CACNB4: variants seen among roughly 807,000 people sequenced by gnomAD.
CACNB4 encodes the protein voltage-dependent L-type calcium channel subunit beta-4.
In CACNB4, 32 loss-of-function variants were observed where a neutral mutation model predicts 71.2. The observed-to-expected ratio is 0.45, with a 90% CI of 0.34 to 0.60. The LOEUF (loss-of-function observed/expected upper bound fraction) is 0.60. CACNB4 is among the 20% of genes least tolerant of loss of function. The pLI, the probability that CACNB4 is intolerant of heterozygous loss-of-function variation, is 0.01. For missense variants in CACNB4, 464 were observed against 647.9 expected, an observed-to-expected ratio of 0.72 and a Z score of 3.08; for synonymous variants, 231 against 236.9, an observed-to-expected ratio of 0.97 and a Z score of 0.23.
chr2:152,088,144 CACACACACACACACACACACACACAT>C (rs945057052), intron 2 of CACNB4, among the ~76,000 whole-genome samples: 6 of 149,198 alleles, frequency 4.0e-5, no homozygotes, highest in African/African-American at 1.5e-4. Flanking sequence ...CCACTTAACA[CACACACACACACACACACACACACAT>C]ACACACACAC....
intron 2 of CACNB4, among the ~76,000 whole-genome samples, chr2:152,029,133 T>A (rs1451125603): frequency 6.6e-6 from 1 of 152,138 alleles, no homozygotes; most frequent in African/African-American, 2.4e-5. Flanking sequence ...TAATTAGATT[T>A]AGATGAGGTC....
intron 2 of CACNB4, among the ~76,000 whole-genome samples, chr2:151,914,701 CTTGT>C (rs202213649): frequency 0.018 from 2,793 of 152,212 alleles, 34 homozygotes; most frequent in Middle Eastern, 0.031. Flanking sequence ...TGGCTTTCTG[CTTGT>C]TTGTTTTTCT....
intron 2 of CACNB4, among the ~76,000 whole-genome samples, chr2:152,088,703 G>T (rs1687808287): frequency 6.6e-6 from 1 of 152,308 alleles, no homozygotes; most frequent in Non-Finnish European, 1.5e-5. Context: ...AAGTTTTACA[G>T]CCCTTACCTA....
At chr2:152,052,063 G>A (rs945845799) in intron 2 of CACNB4, among the ~76,000 whole-genome samples, 2 of 152,156 alleles carry the variant, frequency 1.3e-5, no homozygotes, top group Non-Finnish European at 2.9e-5. Context: ...CTGCTCCTCC[G>A]CTTATGGCGG....
At chr2:152,058,699 T>TG (rs1243357856) in intron 2 of CACNB4, among the ~76,000 whole-genome samples, 1 of 152,240 alleles carries the variant, frequency 6.6e-6, no homozygotes, top group Non-Finnish European at 1.5e-5. Context: ...ACCCATTTTC[T>TG]GGGGAGAAAT....
intron 2 of CACNB4, among the ~76,000 whole-genome samples, chr2:152,077,242 G>A (rs770436832): frequency 1.1e-4 from 17 of 152,150 alleles, no homozygotes; most frequent in Middle Eastern, 3.4e-3. Context: ...CCAAAATGGC[G>A]AAACCTTGTC....
chr2:151,924,342 T>A (rs1241754299), intron 2 of CACNB4, among the ~76,000 whole-genome samples: 1 of 151,764 alleles, frequency 6.6e-6, no homozygotes, highest in African/African-American at 2.4e-5. Context: ...CCTCCCAAAG[T>A]GTATTCTGAA....
intron 9 of CACNB4, among the ~76,000 whole-genome samples, chr2:151,864,616 G>A (rs1205932899): frequency 6.6e-6 from 1 of 152,120 alleles, no homozygotes; most frequent in Non-Finnish European, 1.5e-5. Context: ...CAGGAGAATG[G>A]AAAGGCACAG....
chr2:151,971,805 C>T (rs978923923), intron 2 of CACNB4: 22 of 567,894 alleles, frequency 3.9e-5, no homozygotes, highest in Non-Finnish European at 6.0e-5. Context: ...TCAATCCCGC[C>T]CACCTGAAAG....
intron 2 of CACNB4, among the ~76,000 whole-genome samples, chr2:151,979,473 A>G (rs1484954287): frequency 1.3e-5 from 2 of 151,996 alleles, no homozygotes; most frequent in Non-Finnish European, 2.9e-5. Flanking sequence ...AAAAAAAAAA[A>G]GAGCCAATCT....
rs770340434 is a variant in CACNB4, at chr2:151,860,649, C to A, written c.868+62G>T. The A allele has an allele frequency of 5.4e-5, 58 of 1,075,786 alleles. No individual in the cohort carries two copies. In the African/African-American group the frequency reaches 7.1e-4, roughly 13 times the overall value. 66.6% of individuals were successfully genotyped at this position (1,075,786 alleles called of 1,614,324 possible). Reference sequence around the variant, plus strand: ...AAATTGAAAAAGACATTCACAAATGCACCATGTGTCAGCCCGGTCTGTAAG... The same window carrying A: ...AAATTGAAAAAGACATTCACAAATGAACCATGTGTCAGCCCGGTCTGTAAG... On this transcript the variant is annotated intron_variant, in intron 10 of 13. Coordinates refer to ENST00000539935, the MANE Select transcript of CACNB4 (RefSeq NM_000726.5).
At chr2:152,072,602 T>C (rs1230101858) in intron 2 of CACNB4, among the ~76,000 whole-genome samples, 1 of 152,106 alleles carries the variant, frequency 6.6e-6, no homozygotes, top group Non-Finnish European at 1.5e-5. Context: ...ATGAAAACCT[T>C]ATGATGAGGC....
chr2:152,058,281 G>A (rs1685828585), intron 2 of CACNB4, among the ~76,000 whole-genome samples: 1 of 152,194 alleles, frequency 6.6e-6, no homozygotes, highest in South Asian at 2.1e-4. Flanking sequence ...AAAGAGGGGG[G>A]TACTGCTATA....
At chr2:151,940,163 T>C (rs1405850723) in intron 2 of CACNB4, among the ~76,000 whole-genome samples, 1 of 152,224 alleles carries the variant, frequency 6.6e-6, no homozygotes, top group Non-Finnish European at 1.5e-5. Flanking sequence ...TCTTAAGAGG[T>C]ATGGCTCTTT....
chr2:151,981,502 G>A (rs887158285), intron 2 of CACNB4, among the ~76,000 whole-genome samples: 10 of 152,144 alleles, frequency 6.6e-5, no homozygotes, highest in South Asian at 2.1e-4. Flanking sequence ...AACTCCTGTC[G>A]GTGGTAGGGG....
chr2:151,870,624 A>G lies in CACNB4; in HGVS notation c.619-13T>C. On this transcript the variant is annotated splice_polypyrimidine_tract_variant and intron_variant, in intron 7 of 13. Transcript: ENST00000539935. ...GAATGTGCTCCGTCTGAAAAAGATG[A>G]TTCGACACGCGTGACAAGGTGAGGT... The G allele has an allele frequency of 6.2e-7, 1 of 1,607,916 alleles. No individual in the cohort carries two copies. The highest frequency in any genetic ancestry group is 8.5e-7 in the Non-Finnish European group (1 of 1,175,218).
chr2:152,034,395 G>C (rs556169349), intron 2 of CACNB4, among the ~76,000 whole-genome samples: 1 of 152,264 alleles, frequency 6.6e-6, no homozygotes, highest in Admixed American at 6.5e-5. Flanking sequence ...ACAGGGCTCT[G>C]GTGAAGGGTG....
At chr2:151,896,676 G>C (rs1036519358) in intron 2 of CACNB4, among the ~76,000 whole-genome samples, 1 of 152,168 alleles carries the variant, frequency 6.6e-6, no homozygotes, top group South Asian at 2.1e-4. Flanking sequence ...TGACAGCAAG[G>C]CTTGCTTTTT....
Position 151,971,850 on chromosome 2 carries a change from C to A in CACNB4, c.148-88480G>T. ...CTCTCAACTGAGGATTGGCCAGATG[C>A]CCAACTCCACTCCTCATGTTTCCCA... On this transcript the variant is annotated intron_variant, in intron 2 of 13. Coordinates refer to ENST00000539935, the MANE Select transcript of CACNB4 (RefSeq NM_000726.5). 3 of 495,306 alleles carry A rather than the reference C, an allele frequency of 6.1e-6. No individual in the cohort carries two copies. The East Asian group carries it at 1.1e-4, about 19-fold the overall frequency. The allele number at this position is 495,306 out of a possible 1,614,324, so 30.7% of individuals were successfully genotyped here. A position where few individuals can be genotyped will look rare whatever the true frequency, so the allele number is the denominator to read the frequency against.
Sources: gnomAD v4.1 joint callset for allele counts (sites outside exome capture counted in the v4.1 genomes callset) on GRCh38, gnomAD v4.1.1 for gene constraint, MANE v1.5 for transcripts, NCBI Gene and HGNC (gene_info 2026-07-23, HGNC 2026-07-21) for gene names.